Variants in RGSL1 observed in about 807,000 individuals in gnomAD.
RGSL1 encodes the protein regulator of G protein signaling like 1, also known as regulator of G protein signaling protein-like.
Under a neutral mutation model 124.7 loss-of-function variants are expected in RGSL1, and 97 were observed. The ratio of observed to expected loss-of-function variants is 0.78; its 90% CI spans 0.66 to 0.92. The LOEUF (loss-of-function observed/expected upper bound fraction) is 0.92, where lower values mean the gene tolerates loss of function less well. RGSL1 is among the 40% of genes least tolerant of loss of function. RGSL1 has a pLI of 0.00. For missense variants in RGSL1, 1,233 were observed against 1,288.4 expected (o/e 0.96, Z 0.66); for synonymous variants, 424 against 438.1 (o/e 0.97, Z 0.40).
In RGSL1 at chr1:182,460,143, G is replaced by A. The variant is rs760402715; in HGVS notation, c.301+10G>A. 3 of 1,539,476 alleles carry A rather than the reference G, an allele frequency of 1.9e-6. No individual in the cohort carries two copies. In the South Asian group the frequency reaches 3.6e-5, roughly 18 times the overall value. Reference sequence around the variant, plus strand: ...AAGTCCCCAGAAGGAGGTAAGCATTGGTGTGCATGCGTGTGTCTGTGTGTG... The same window carrying A: ...AAGTCCCCAGAAGGAGGTAAGCATTAGTGTGCATGCGTGTGTCTGTGTGTG... On this transcript the variant is annotated intron_variant, in intron 4 of 21. Coordinates refer to ENST00000294854, the MANE Select transcript of RGSL1 (RefSeq NM_001137669.2).
chr1:182,551,395 A>C (rs1660554394), intron 18 of RGSL1, among the ~76,000 whole-genome samples, 186 bp downstream of exon 18: 1 of 152,212 alleles, frequency 6.6e-6, no homozygotes, highest in Non-Finnish European at 1.5e-5. Context: ...TGTCACTAGC[A>C]GTGCTAGCAG....
At chr1:182,503,316 G>A (rs1196175489) in intron 9 of RGSL1, among the ~76,000 whole-genome samples, 1 of 152,082 alleles carries the variant, frequency 6.6e-6, no homozygotes, top group East Asian at 1.9e-4. Context: ...CATCAAGATG[G>A]ACATGGATAA....
At chr1:182,460,611 C>G (rs1017451604) in intron 4 of RGSL1, 2 of 455,110 alleles carry the variant, frequency 4.4e-6, no homozygotes, top group African/African-American at 2.0e-5. Context: ...TGCTCTTGCT[C>G]TCTTCCTCAT....
chr1:182,504,121 CAG>C (rs2102160150), intron 9 of RGSL1, among the ~76,000 whole-genome samples: 1 of 151,952 alleles, frequency 6.6e-6, no homozygotes, highest in East Asian at 1.9e-4. Context: ...GCTGGGACTA[CAG>C]GTACACACCA....
chr1:182,508,290 GTTTTTT>G (rs58641894), intron 9 of RGSL1, among the ~76,000 whole-genome samples: 4 of 53,784 alleles, frequency 7.4e-5, no homozygotes, highest in Non-Finnish European at 9.4e-5. Flanking sequence ...TGGTGGTGGT[GTTTTTT>G]TTTTTTTTTT....
intron 8 of RGSL1, among the ~76,000 whole-genome samples, chr1:182,490,380 T>C (rs941696385): frequency 6.6e-6 from 1 of 152,234 alleles, no homozygotes; most frequent in Admixed American, 6.5e-5. Context: ...AAGCAGGTGC[T>C]AAGTAAATGG....
intron 1 of RGSL1, among the ~76,000 whole-genome samples, chr1:182,451,676 A>G (rs1180072162): frequency 1.0e-5 from 1 of 99,176 alleles, no homozygotes; most frequent in Non-Finnish European, 2.4e-5. Flanking sequence ...CTCAGATACT[A>G]TACTAGAGAG....
intron 9 of RGSL1, among the ~76,000 whole-genome samples, chr1:182,505,384 G>GC (rs1242243753): frequency 6.6e-6 from 1 of 151,526 alleles, no homozygotes; most frequent in African/African-American, 2.4e-5. Context: ...ATTGGTGGTG[G>GC]GGGTATGTGG....
At chr1:182,547,786 G>A (rs1404989075) in intron 15 of RGSL1, among the ~76,000 whole-genome samples, 8 of 152,104 alleles carry the variant, frequency 5.3e-5, no homozygotes, top group Admixed American at 2.6e-4. Context: ...GCATGAACCC[G>A]GGAGGCCAAG....
At chr1:182,536,660 G>C (rs1659561630) in intron 14 of RGSL1, among the ~76,000 whole-genome samples, 1 of 152,216 alleles carries the variant, frequency 6.6e-6, no homozygotes. Flanking sequence ...CGGACTCACA[G>C]TTCCATGTGG....
rs1324758990 is a variant in RGSL1 at position 182,553,328 on chromosome 1, A to G, written c.3044-127A>G. ...CACATGCAAAGATTTAGATTTAGAT[A>G]ATGTTTTATCATTAACATTTTGTAA... On this transcript the variant is annotated intron_variant, in intron 18 of 21. Coordinates refer to ENST00000294854, the MANE Select transcript of RGSL1 (RefSeq NM_001137669.2). 1.3e-5 allele frequency: 9 copies of G among 690,738 alleles called. No homozygotes were observed. In the East Asian group the frequency reaches 2.2e-4, roughly 17 times the overall value. The allele number at this position is 690,738 out of a possible 1,614,324, so 42.8% of individuals were successfully genotyped here. A position where few individuals can be genotyped will look rare whatever the true frequency, so the allele number is the denominator to read the frequency against.
chr1:182,459,938 A>G, intron 3 of RGSL1, 66 bp from the exon 4 acceptor site: 1 of 1,518,324 alleles, frequency 6.6e-7, no homozygotes, highest in South Asian at 1.3e-5. Context: ...GCCACTTACT[A>G]AGTTGTATTT....
At chr1:182,548,535 A>C (rs754029787) in intron 16 of RGSL1, 80 bp downstream of exon 16, 5 of 1,532,328 alleles carry the variant, frequency 3.3e-6, no homozygotes, top group Non-Finnish European at 4.4e-6. Flanking sequence ...GCTAATTGTC[A>C]GGCACCTCAT....
upstream of RGSL1, chr1:182,450,119 G>T: frequency 1.3e-6 from 2 of 1,551,286 alleles, no homozygotes; most frequent in South Asian, 1.2e-5. Flanking sequence ...TGACTGGGGG[G>T]TAATTCTGCC....
At chr1:182,478,170 A>G (rs1339195675) in intron 6 of RGSL1, among the ~76,000 whole-genome samples, 1 of 151,992 alleles carries the variant, frequency 6.6e-6, no homozygotes, top group South Asian at 2.1e-4. Context: ...GTAGCCTCCA[A>G]CTCCTGGCCC....
chr1:182,509,613 G>A (rs1178199549), intron 9 of RGSL1, among the ~76,000 whole-genome samples: 11 of 132,856 alleles, frequency 8.3e-5, no homozygotes, highest in African/African-American at 2.7e-4. Flanking sequence ...CAGTAGGGGC[G>A]GCTGGGCAGA....
At chr1:182,473,505 C>G in intron 5 of RGSL1, 70 bp from the exon 6 acceptor site, 1 of 1,440,494 alleles carries the variant, frequency 6.9e-7, no homozygotes, top group African/African-American at 1.4e-5. Flanking sequence ...AAATTAAAAA[C>G]CTCTCCAACA....
At chr1:182,540,482 C>A (rs3911280) in intron 15 of RGSL1, 61 bp downstream of exon 15, 772,590 of 1,450,378 alleles carry the variant, frequency 0.53, 208,370 homozygotes, top group Non-Finnish European at 0.54. Context: ...TAGGACTGCC[C>A]AGCAGAAACT....
intron 9 of RGSL1, among the ~76,000 whole-genome samples, chr1:182,509,841 A>T (rs1657248263): frequency 7.5e-6 from 1 of 132,580 alleles, no homozygotes; most frequent in Admixed American, 7.0e-5. Context: ...TCCCTCCCGG[A>T]CGGGGTGGCT....
Sources: gnomAD v4.1 joint callset for allele counts (sites outside exome capture counted in the v4.1 genomes callset) on GRCh38, gnomAD v4.1.1 for gene constraint, MANE v1.5 for transcripts, NCBI Gene and HGNC (gene_info 2026-07-23, HGNC 2026-07-21) for gene names.